The following ZFAND3 variants were observed in gnomAD, a reference collection of about 807,000 sequenced individuals.
The protein encoded by ZFAND3 is AN1-type zinc finger protein 3.
In ZFAND3, 10 loss-of-function variants were observed where a neutral mutation model predicts 29.6. That is an observed-to-expected ratio of 0.34 (90% CI 0.21 to 0.57). The LOEUF (loss-of-function observed/expected upper bound fraction) is 0.57. Ranked by LOEUF, ZFAND3 falls within the 20% of genes least tolerant of loss-of-function variation. The pLI is 0.86. For synonymous variants in ZFAND3, 128 were observed against 112.6 expected (o/e 1.14, Z -0.87); for missense variants, 230 against 304.5 (o/e 0.76, Z 1.82).
Position 37,967,182 on chromosome 6 carries a change from A to G in ZFAND3, c.112+37183A>G, listed in dbSNP as rs538830779. Reference sequence around the variant, plus strand: ...GTATTTTAAAACTAGGTAAGTATCCATCTTTGTGACACTGTTTACTCATTT... The same window carrying G: ...GTATTTTAAAACTAGGTAAGTATCCGTCTTTGTGACACTGTTTACTCATTT... On this transcript the variant is annotated intron_variant, in intron 2 of 5. Coordinates refer to ENST00000287218, the MANE Select transcript of ZFAND3 (RefSeq NM_021943.3). Among the ~76,000 whole-genome samples, 3 of 152,322 alleles carry G rather than the reference A, an allele frequency of 2.0e-5. No individual in the cohort carries two copies. In the East Asian group the frequency reaches 5.8e-4, roughly 29 times the overall value.
chr6:38,082,562 C>T (rs946607236), intron 4 of ZFAND3, 105 bp downstream of exon 4: 25 of 1,084,494 alleles, frequency 2.3e-5, no homozygotes, highest in African/African-American at 1.9e-4. Flanking sequence ...TGATTTCTTC[C>T]GTCAGTTGTG....
chr6:37,927,489 T>C (rs561350356), intron 1 of ZFAND3, among the ~76,000 whole-genome samples: 2 of 152,286 alleles, frequency 1.3e-5, no homozygotes, highest in South Asian at 2.1e-4. Context: ...ATTCCAACAA[T>C]AGAGAATGTT....
chr6:37,852,679 A>C (rs551512504), intron 1 of ZFAND3, among the ~76,000 whole-genome samples: 1 of 149,318 alleles, frequency 6.7e-6, no homozygotes, highest in South Asian at 2.1e-4. Flanking sequence ...ATAGTTCTTT[A>C]GTTTCACACA....
At chr6:38,092,043 C>T (rs557566951) in intron 4 of ZFAND3, among the ~76,000 whole-genome samples, 3 of 152,294 alleles carry the variant, frequency 2.0e-5, no homozygotes, top group East Asian at 3.9e-4. Flanking sequence ...CCCATTGCCT[C>T]TCCCGCCAGC....
At chr6:37,997,375 T>C (rs1039295409) in intron 2 of ZFAND3, among the ~76,000 whole-genome samples, 8 of 152,198 alleles carry the variant, frequency 5.3e-5, no homozygotes, top group South Asian at 2.1e-4. Context: ...AAGAATAGCA[T>C]TGTAATGATA....
chr6:38,148,964 A>G (rs1205520376), intron 5 of ZFAND3, among the ~76,000 whole-genome samples: 2 of 152,064 alleles, frequency 1.3e-5, no homozygotes, highest in African/African-American at 4.8e-5. Flanking sequence ...GTTTCCCCCA[A>G]AGTTTTCTCC....
At chr6:38,131,100 G>C (rs1388494699) in intron 5 of ZFAND3, among the ~76,000 whole-genome samples, 1 of 152,182 alleles carries the variant, frequency 6.6e-6, no homozygotes. Flanking sequence ...GTGCATAATG[G>C]TGTTCATAGT....
At chr6:37,824,615 C>T (rs892954159) in intron 1 of ZFAND3, among the ~76,000 whole-genome samples, 1 of 152,002 alleles carries the variant, frequency 6.6e-6, no homozygotes, top group African/African-American at 2.4e-5. Context: ...AAGCTTAAAG[C>T]GTACTAGACA....
chr6:38,018,260 A>C (rs1457244857), intron 2 of ZFAND3, among the ~76,000 whole-genome samples: 2 of 152,236 alleles, frequency 1.3e-5, no homozygotes, highest in Non-Finnish European at 2.9e-5. Flanking sequence ...TAATAAATGA[A>C]GAACATTTTA....
chr6:38,035,340 T>C (rs1763637684), intron 2 of ZFAND3, among the ~76,000 whole-genome samples: 1 of 152,222 alleles, frequency 6.6e-6, no homozygotes, highest in African/African-American at 2.4e-5. Flanking sequence ...TAAACTTCTT[T>C]TTAACAAAGG....
chr6:38,049,045 T>TG (rs1763966994), intron 2 of ZFAND3, among the ~76,000 whole-genome samples: 5 of 152,180 alleles, frequency 3.3e-5, no homozygotes, highest in Non-Finnish European at 7.3e-5. Context: ...TGCCTTTAGG[T>TG]GAGACTTACA....
At chr6:37,952,107 G>A (rs1433719520) in intron 2 of ZFAND3, among the ~76,000 whole-genome samples, 1 of 152,166 alleles carries the variant, frequency 6.6e-6, no homozygotes, top group Non-Finnish European at 1.5e-5. Context: ...TGGTTTGCTA[G>A]TATCTCATTG....
At chr6:37,843,087 A>G (rs2127375001) in intron 1 of ZFAND3, among the ~76,000 whole-genome samples, 1 of 149,030 alleles carries the variant, frequency 6.7e-6, no homozygotes, top group South Asian at 2.1e-4. Context: ...GTGCCACTGC[A>G]CTCCAGCCTG....
rs577405326 is a variant in ZFAND3 at position 38,018,711 on chromosome 6, C to G, written c.113-42882C>G. ...TCTGTTTTGGAGTATTTAGATTACCCCCTCCTAGGCTTTTACTAAAACAAC... is the reference window on the plus strand; with the variant it reads ...TCTGTTTTGGAGTATTTAGATTACCGCCTCCTAGGCTTTTACTAAAACAAC... On this transcript the variant is annotated intron_variant, in intron 2 of 5. Coordinates refer to ENST00000287218, the MANE Select transcript of ZFAND3 (RefSeq NM_021943.3). 2.0e-5 allele frequency among the ~76,000 whole-genome samples: 3 copies of G among 152,072 alleles called. No homozygotes were observed. The East Asian group carries it at 5.8e-4, about 29-fold the overall frequency.
At chr6:38,131,327 C>T (rs1210223154) in intron 5 of ZFAND3, among the ~76,000 whole-genome samples, 1 of 151,930 alleles carries the variant, frequency 6.6e-6, no homozygotes, top group African/African-American at 2.4e-5. Flanking sequence ...TTCTTTTCTT[C>T]TTCTGGGTTT....
At chr6:38,029,438 G>T (rs1763507586) in intron 2 of ZFAND3, among the ~76,000 whole-genome samples, 1 of 152,056 alleles carries the variant, frequency 6.6e-6, no homozygotes, top group African/African-American at 2.4e-5. Context: ...TTTAAAAGTT[G>T]GGTAATGAAA....
intron 4 of ZFAND3, among the ~76,000 whole-genome samples, chr6:38,104,481 A>T (rs1433811233): frequency 6.6e-6 from 1 of 152,228 alleles, no homozygotes; most frequent in Non-Finnish European, 1.5e-5. Flanking sequence ...ATCAGTAAAG[A>T]AACTTTTGTG....
At chr6:38,049,950 T>TATTTTATTTTA (rs775149707) in intron 2 of ZFAND3, among the ~76,000 whole-genome samples, 56 of 25,496 alleles carry the variant, frequency 2.2e-3, no homozygotes, top group Admixed American at 5.9e-3. Flanking sequence ...AATTAATTTT[T>TATTTTATTTTA]TTTTTTTTTT....
intron 5 of ZFAND3, among the ~76,000 whole-genome samples, chr6:38,151,708 C>T (rs1766230062): frequency 6.6e-6 from 1 of 152,214 alleles, no homozygotes; most frequent in South Asian, 2.1e-4. Context: ...AAATAATCCA[C>T]TTTCCTTTGA....
Sources: gnomAD v4.1 joint callset for allele counts (sites outside exome capture counted in the v4.1 genomes callset) on GRCh38, gnomAD v4.1.1 for gene constraint, MANE v1.5 for transcripts, NCBI Gene and HGNC (gene_info 2026-07-23, HGNC 2026-07-21) for gene names.